BAHCC1: variants seen among roughly 807,000 people sequenced by gnomAD.
BAHCC1 encodes BAH and coiled-coil domain-containing protein 1.
Under a neutral mutation model 88.2 loss-of-function variants are expected in BAHCC1, and 43 were observed. That is an observed-to-expected ratio of 0.49 (90% CI 0.38 to 0.63). BAHCC1 has a LOEUF of 0.63. Among genes scored for constraint, BAHCC1 ranks in the 20% least tolerant of loss-of-function variants. The probability of loss-of-function intolerance (pLI) is 0.00; values close to 1 mark genes in which losing one functional copy is unlikely to be tolerated. For synonymous variants in BAHCC1, 1,510 were observed against 745.5 expected (o/e 2.03, Z -16.71); for missense variants, 3,023 against 1,654.8 (o/e 1.83, Z -14.34).
rs1437959135 is a variant in BAHCC1, at chr17:81,460,991, G to A, written c.6328G>A (p.Ala2110Thr). Residue 2110 changes from alanine (A) to threonine (T), a missense_variant, in exon 26 of 28, where the codon GCA becomes ACA. Transcript: ENST00000675386. ...GGCGCAGACCAAGCGGAAGGCGGTGGCAGCGGCCAGCAAGGGGCCGGGGGT... is the reference window on the plus strand; with the variant it reads ...GGCGCAGACCAAGCGGAAGGCGGTGACAGCGGCCAGCAAGGGGCCGGGGGT... ...AVAQTKRKAV[A>T]AASKGPGVLQ... 1.3e-6 allele frequency: 1 copy of A among 772,958 alleles called. No homozygotes were observed. The highest frequency in any genetic ancestry group is 1.7e-5 in the Admixed American group (1 of 58,908). 47.9% of individuals were successfully genotyped at this position (772,958 alleles called of 1,614,324 possible).
Sources: gnomAD v4.1 joint callset for allele counts on GRCh38, gnomAD v4.1.1 for gene constraint, MANE v1.5 for transcripts, NCBI Gene and HGNC (gene_info 2026-07-23, HGNC 2026-07-21) for gene names.